ADD3: variants seen among roughly 807,000 people sequenced by gnomAD.
ADD3 encodes gamma-adducin.
Under a neutral mutation model 80.2 loss-of-function variants are expected in ADD3, and 25 were observed. That is an observed-to-expected ratio of 0.31 (90% confidence interval 0.23 to 0.44). The LOEUF is 0.44. Ranked by LOEUF, ADD3 falls within the 20% of genes least tolerant of loss-of-function variation. The pLI is 1.00. For missense variants in ADD3, 829 were observed against 847.5 expected (o/e 0.98, Z 0.27); for synonymous variants, 284 against 289.6 (o/e 0.98, Z 0.20).
At chr10:110,035,198 C>G (rs1005643157) in intron 1 of ADD3, among the ~76,000 whole-genome samples, 32 of 152,074 alleles carry the variant, frequency 2.1e-4, no homozygotes, top group African/African-American at 7.7e-4. Flanking sequence ...ACGTTTTGTC[C>G]TTAGGGTTTC....
At chr10:110,016,792 C>G (rs979364854) in intron 1 of ADD3, among the ~76,000 whole-genome samples, 3 of 151,930 alleles carry the variant, frequency 2.0e-5, no homozygotes, top group Admixed American at 1.3e-4. Context: ...TTTTTTCTTT[C>G]CCTATTTTCC....
chr10:110,002,588 C>T (rs557104854), upstream of ADD3, among the ~76,000 whole-genome samples: 9 of 152,142 alleles, frequency 5.9e-5, no homozygotes, highest in East Asian at 1.7e-3. Flanking sequence ...ACTAGTGACC[C>T]TTAAGTTGAG....
chr10:110,014,595 C>G (rs921493463), intron 1 of ADD3, among the ~76,000 whole-genome samples: 1 of 151,230 alleles, frequency 6.6e-6, no homozygotes. Context: ...GCGCAATTCT[C>G]AGCTCACCGC....
intron 1 of ADD3, among the ~76,000 whole-genome samples, chr10:110,068,489 A>G (rs1770343311): frequency 6.6e-6 from 1 of 152,186 alleles, no homozygotes; most frequent in South Asian, 2.1e-4. Flanking sequence ...AGGAAGTACA[A>G]AGTTTTATGC....
At chr10:110,019,721 G>A (rs1589747026) in intron 1 of ADD3, among the ~76,000 whole-genome samples, 1 of 152,300 alleles carries the variant, frequency 6.6e-6, no homozygotes, top group South Asian at 2.1e-4. Context: ...ATCTGTGCTT[G>A]AAGGTGCTGT....
At position 110,129,262 on chromosome 10, in the gene ADD3, G is replaced by T. The variant is rs145171971; in HGVS notation, c.1609-1101G>T. 3.1e-3 allele frequency among the ~76,000 whole-genome samples: 472 copies of T among 151,434 alleles called. 2 individuals carry two copies. Among genetic ancestry groups the T allele is most frequent in the Admixed American group, 5.9e-3 (90 of 15,178 alleles). On this transcript the variant is annotated intron_variant, in intron 12 of 14. Coordinates refer to ENST00000356080, the MANE Select transcript of ADD3 (RefSeq NM_016824.5). ...CCTCCCGGGTTCAAGCCATTCTCCT[G>T]CCTCAGCCTCCTGAGTAGCTGGGAT...
chr10:110,062,414 CAA>C (rs61291710), intron 1 of ADD3, among the ~76,000 whole-genome samples: 11 of 107,432 alleles, frequency 1.0e-4, no homozygotes, highest in Admixed American at 3.9e-4. Context: ...AACTCCATCT[CAA>C]AAAAAAAAAA....
At chr10:110,103,125 G>A (rs1009000587) in intron 2 of ADD3, among the ~76,000 whole-genome samples, 1 of 152,140 alleles carries the variant, frequency 6.6e-6, no homozygotes, top group South Asian at 2.1e-4. Flanking sequence ...TTAAGAAAGT[G>A]TATACATTTT....
At chr10:110,098,387 G>A (rs571560541) in intron 1 of ADD3, among the ~76,000 whole-genome samples, 1 of 152,260 alleles carries the variant, frequency 6.6e-6, no homozygotes, top group Non-Finnish European at 1.5e-5. Context: ...CCAAAAATGT[G>A]CTTTCAGATG....
At chr10:110,004,348 C>T (rs1054770556), upstream of ADD3, among the ~76,000 whole-genome samples, 7 of 151,338 alleles carry the variant, frequency 4.6e-5, no homozygotes, top group Non-Finnish European at 7.4e-5. Context: ...TCCTGGCTAA[C>T]ACTGTGAAAC....
At chr10:110,023,306 G>A (rs756840411) in intron 1 of ADD3, among the ~76,000 whole-genome samples, 1 of 152,178 alleles carries the variant, frequency 6.6e-6, no homozygotes, top group Non-Finnish European at 1.5e-5. Context: ...ACAACTATCT[G>A]TGAACAAGGA....
intron 1 of ADD3, among the ~76,000 whole-genome samples, chr10:110,064,353 A>G (rs912460475): frequency 2.6e-5 from 4 of 152,070 alleles, no homozygotes; most frequent in African/African-American, 9.7e-5. Context: ...TGACATACCA[A>G]CTCTGAGTTC....
At chr10:110,123,864 A>T in intron 9 of ADD3, 153 bp from the exon 10 acceptor site, 1 of 716,572 alleles carries the variant, frequency 1.4e-6, no homozygotes, top group Non-Finnish European at 2.3e-6. Context: ...CTCCAGTGTT[A>T]CATGAAAGTT....
At chr10:110,086,740 A>G (rs1846816668) in intron 1 of ADD3, among the ~76,000 whole-genome samples, 1 of 152,184 alleles carries the variant, frequency 6.6e-6, no homozygotes, top group South Asian at 2.1e-4. Context: ...AGCTTCCTGT[A>G]TAGCCTGTGG....
chr10:110,013,944 G>A (rs1007809229), intron 1 of ADD3, among the ~76,000 whole-genome samples: 1 of 152,238 alleles, frequency 6.6e-6, no homozygotes, highest in Non-Finnish European at 1.5e-5. Flanking sequence ...ACCATTAGCA[G>A]TGTTTCTGTG....
chr10:110,067,259 T>A (rs1048611877), intron 1 of ADD3, among the ~76,000 whole-genome samples: 2 of 152,194 alleles, frequency 1.3e-5, no homozygotes, highest in South Asian at 4.1e-4. Context: ...TCAAATAAAG[T>A]AATTTGCACC....
chr10:110,110,051 TAAC>T (rs1849814354), intron 2 of ADD3, among the ~76,000 whole-genome samples: 1 of 152,248 alleles, frequency 6.6e-6, no homozygotes, highest in Non-Finnish European at 1.5e-5. Flanking sequence ...GATTTACACT[TAAC>T]AAGCCTTGAA....
intron 11 of ADD3, 131 bp downstream of exon 11, chr10:110,126,076 AATTTT>A: frequency 2.1e-6 from 2 of 959,032 alleles, no homozygotes; most frequent in Non-Finnish European, 3.0e-6. Flanking sequence ...AATTCAGTAT[AATTTT>A]AGCTTATATT....
At chr10:110,061,848 A>T (rs2133512382) in intron 1 of ADD3, among the ~76,000 whole-genome samples, 1 of 152,284 alleles carries the variant, frequency 6.6e-6, no homozygotes. Flanking sequence ...TAACTTAACC[A>T]AAATCATTGT....
Sources: allele counts gnomAD v4.1 joint callset (sites outside exome capture counted in the v4.1 genomes callset), GRCh38; gene constraint gnomAD v4.1.1; transcripts MANE v1.5; gene names NCBI Gene and HGNC (gene_info 2026-07-23, HGNC 2026-07-21).